Variants in PTPRC observed in about 807,000 individuals in gnomAD.
PTPRC encodes the protein protein tyrosine phosphatase receptor type C.
PTPRC carries 44 observed loss-of-function variants against 155.9 expected under a neutral mutation model. The observed-to-expected ratio is 0.28, with a 90% confidence interval of 0.22 to 0.36. PTPRC has a LOEUF of 0.36. Ranked by LOEUF, PTPRC falls within the 10% of genes least tolerant of loss-of-function variation. PTPRC has a pLI of 1.00. For synonymous variants in PTPRC, 525 were observed against 533.1 expected (o/e 0.98, Z 0.21); for missense variants, 1,401 against 1,564.6 (o/e 0.90, Z 1.76).
chr1:198,753,682 A>C (rs1425968859), intron 31 of PTPRC, among the ~76,000 whole-genome samples: 1 of 152,036 alleles, frequency 6.6e-6, no homozygotes, highest in Non-Finnish European at 1.5e-5. Context: ...CCTGCTGATA[A>C]CATATTGTTT....
intron 2 of PTPRC, among the ~76,000 whole-genome samples, chr1:198,663,616 A>G (rs1337840503): frequency 6.6e-6 from 1 of 152,180 alleles, no homozygotes; most frequent in Non-Finnish European, 1.5e-5. Context: ...GATATATAAT[A>G]TTGATTGCAG....
intron 2 of PTPRC, chr1:198,657,465 G>T (rs1393026697): frequency 6.6e-6 from 1 of 151,974 alleles, no homozygotes; most frequent in Non-Finnish European, 1.5e-5. Flanking sequence ...ATATTCATTT[G>T]AAATCTCAAA....
chr1:198,750,761 T>G (rs1655345711), intron 29 of PTPRC, 135 bp downstream of exon 29: 1 of 1,164,316 alleles, frequency 8.6e-7, no homozygotes. Flanking sequence ...TGCTCAGTCT[T>G]ACCCCTTTCA....
At chr1:198,683,081 T>C (rs1665429730) in intron 2 of PTPRC, among the ~76,000 whole-genome samples, 1 of 152,226 alleles carries the variant, frequency 6.6e-6, no homozygotes, top group Non-Finnish European at 1.5e-5. Context: ...TAGACTCATT[T>C]TGCTACAAGT....
At chr1:198,703,473 A>G (rs1464592007) in intron 7 of PTPRC, 101 bp downstream of exon 7, 134 of 1,574,834 alleles carry the variant, frequency 8.5e-5, no homozygotes, top group Non-Finnish European at 1.1e-4. Context: ...TCCTTTCTTT[A>G]AGTTGCATTA....
intron 23 of PTPRC, among the ~76,000 whole-genome samples, chr1:198,737,342 A>G (rs1159775953): frequency 1.4e-5 from 2 of 144,452 alleles, no homozygotes; most frequent in Non-Finnish European, 3.0e-5. Flanking sequence ...TCTAAGTCTA[A>G]TCCATTTTTT....
Position 198,744,070 on chromosome 1 carries a change from T to C in PTPRC, c.2714T>C (p.Ile905Thr). 6.2e-7 allele frequency: 1 copy of C among 1,605,186 alleles called. No homozygotes were observed. The highest frequency in any genetic ancestry group is 8.5e-7 in the Non-Finnish European group (1 of 1,172,752). ...AAATTGTAGGCCCAGTACATCTTGA[T>C]CCATCAGGCTTTGGTGGAATACAAT... Reference protein sequence around the residue: ...MVQVEAQYILIHQALVEYNQF... With the variant: ...MVQVEAQYILTHQALVEYNQF... The change falls in exon 26 of 33, where the codon ATC (isoleucine) becomes ACC (threonine). Residue 905 changes from isoleucine to threonine, a missense_variant. By Grantham distance (89) the Ile-to-Thr change is moderately conservative (BLOSUM62 -1). Transcript: ENST00000442510.
intron 2 of PTPRC, among the ~76,000 whole-genome samples, chr1:198,645,703 G>C (rs1662903037): frequency 6.6e-6 from 1 of 151,750 alleles, no homozygotes; most frequent in Non-Finnish European, 1.5e-5. Flanking sequence ...CAGACACTGT[G>C]AGCAGATAAA....
intron 26 of PTPRC, among the ~76,000 whole-genome samples, chr1:198,746,539 C>T (rs543255667): frequency 2.5e-4 from 38 of 151,392 alleles, no homozygotes; most frequent in African/African-American, 7.3e-4. Context: ...AGATGACAGA[C>T]GATGGGCATC....
chr1:198,684,815 T>C (rs954411620), intron 2 of PTPRC, among the ~76,000 whole-genome samples: 28 of 152,060 alleles, frequency 1.8e-4, no homozygotes, highest in African/African-American at 6.3e-4. Flanking sequence ...TATCCTCTCT[T>C]TTGCTCCTTG....
In PTPRC at chr1:198,696,858, ACC is replaced by A; in HGVS notation, c.249_250del (p.Gln84SerfsTer8). 6.2e-7 allele frequency: 1 copy of A among 1,614,054 alleles called. No homozygotes were observed. The highest frequency in any genetic ancestry group is 8.5e-7 in the Non-Finnish European group (1 of 1,179,944). ...TTSLSPDNTS[T>X]QVSPDSLDNA... ...TTCTCTTAGTCCAGACAATACTTCC[ACC>A]CAAGTATCCCCGGACTCTTTGGATA... is the stretch of plus-strand genomic sequence containing the variant. On this transcript the variant is annotated frameshift_variant, in exon 4 of 33. Coordinates refer to ENST00000442510, the MANE Select transcript of PTPRC (RefSeq NM_002838.5). LOFTEE classifies it high-confidence loss of function.
intron 6 of PTPRC, 105 bp from the exon 7 acceptor site, chr1:198,703,193 A>C: frequency 6.6e-7 from 1 of 1,521,724 alleles, no homozygotes; most frequent in Non-Finnish European, 9.0e-7. Flanking sequence ...GAGGACTCCT[A>C]GAGCAAAGAT....
intron 2 of PTPRC, among the ~76,000 whole-genome samples, chr1:198,641,679 T>G (rs1400523451): frequency 1.3e-5 from 2 of 151,994 alleles, no homozygotes; most frequent in Non-Finnish European, 2.9e-5. Flanking sequence ...ACAATGATGG[T>G]TTTAAGAAGG....
chr1:198,673,384 GCTTT>G (rs983949328), intron 2 of PTPRC, among the ~76,000 whole-genome samples: 6 of 151,972 alleles, frequency 3.9e-5, no homozygotes, highest in Non-Finnish European at 7.4e-5. Flanking sequence ...ACCTTATTGT[GCTTT>G]CTTTTTCTCT....
At chr1:198,719,925 C>A (rs540503254) in intron 14 of PTPRC, among the ~76,000 whole-genome samples, 1 of 152,188 alleles carries the variant, frequency 6.6e-6, no homozygotes, top group Non-Finnish European at 1.5e-5. Flanking sequence ...TTCTTTATCA[C>A]TTAAAGAAGT....
At chr1:198,728,274 A>G in intron 15 of PTPRC, 66 bp from the exon 16 acceptor site, 1 of 1,250,870 alleles carries the variant, frequency 8.0e-7, no homozygotes. Context: ...TTTGGAGGTG[A>G]TTATTCAACC....
intron 2 of PTPRC, among the ~76,000 whole-genome samples, chr1:198,659,735 T>A (rs1158182800): frequency 6.6e-6 from 1 of 151,742 alleles, no homozygotes; most frequent in Non-Finnish European, 1.5e-5. Context: ...GGATTTTCTA[T>A]GTTGTTCAGG....
At chr1:198,691,965 A>G (rs1665949662) in intron 2 of PTPRC, among the ~76,000 whole-genome samples, 1 of 152,098 alleles carries the variant, frequency 6.6e-6, no homozygotes, top group Non-Finnish European at 1.5e-5. Context: ...AGCATGTGGC[A>G]TAATGTCTAG....
In PTPRC at chr1:198,733,756, C is replaced by T. The variant is rs183948820; in HGVS notation, c.2143-440C>T. Among the ~76,000 whole-genome samples, 9 of 151,718 alleles carry T rather than the reference C, an allele frequency of 5.9e-5. No homozygotes were observed. The South Asian group carries it at 1.2e-3, about 21-fold the overall frequency. On this transcript the variant is annotated intron_variant, in intron 20 of 32. Coordinates refer to ENST00000442510, the MANE Select transcript of PTPRC (RefSeq NM_002838.5). ...CAGCAGAAGTTAAGAGGTGAAAATG[C>T]GGGTAAAATCTAAGAATGATTTGTT...
Sources: gnomAD v4.1 joint callset for allele counts (sites outside exome capture counted in the v4.1 genomes callset) on GRCh38, gnomAD v4.1.1 for gene constraint, MANE v1.5 for transcripts, NCBI Gene and HGNC (gene_info 2026-07-23, HGNC 2026-07-21) for gene names.